APBA1: variants seen among roughly 807,000 people sequenced by gnomAD.
APBA1 encodes the protein amyloid-beta A4 precursor protein-binding family A member 1.
In APBA1, 55 loss-of-function variants were observed where a neutral mutation model predicts 86.6. The observed-to-expected ratio is 0.64, with a 90% CI of 0.51 to 0.80. APBA1 has a LOEUF of 0.80. APBA1 is among the 30% of genes least tolerant of loss of function. APBA1 has a pLI of 0.00. For missense variants in APBA1, 1,090 were observed against 1,183.0 expected (o/e 0.92, Z 1.15); for synonymous variants, 511 against 493.9 (o/e 1.03, Z -0.46).
chr9:69,476,778 G>A (rs1019076834), intron 2 of APBA1, among the ~76,000 whole-genome samples: 5 of 152,160 alleles, frequency 3.3e-5, no homozygotes, highest in South Asian at 2.1e-4. Context: ...ACGGTGTATC[G>A]GAAAATAAGG....
chr9:69,447,417 C>A (rs1210163955), intron 10 of APBA1, among the ~76,000 whole-genome samples: 1 of 152,198 alleles, frequency 6.6e-6, no homozygotes, highest in Non-Finnish European at 1.5e-5. Flanking sequence ...AACCTCAGCA[C>A]TACCTACATT....
chr9:69,442,786 T>G (rs1022455233), intron 10 of APBA1, among the ~76,000 whole-genome samples: 4 of 152,170 alleles, frequency 2.6e-5, no homozygotes, highest in African/African-American at 9.7e-5. Context: ...GTCTACCAAA[T>G]CTTTTTCAGT....
intron 1 of APBA1, among the ~76,000 whole-genome samples, chr9:69,536,563 T>C (rs1224229550): frequency 2.0e-5 from 3 of 151,668 alleles, no homozygotes; most frequent in Non-Finnish European, 4.4e-5. Context: ...TACAATTCAG[T>C]GGCATTAAGA....
intron 1 of APBA1, among the ~76,000 whole-genome samples, chr9:69,661,612 A>AC (rs11374785): frequency 0.97 from 148,013 of 152,212 alleles, 72,066 homozygotes; most frequent in East Asian, 1. Flanking sequence ...GTTCATCCCC[A>AC]CAAAATTCAT....
At chr9:69,610,659 T>A (rs923952367) in intron 1 of APBA1, among the ~76,000 whole-genome samples, 1 of 152,160 alleles carries the variant, frequency 6.6e-6, no homozygotes, top group African/African-American at 2.4e-5. Context: ...GGGTGCTACA[T>A]GGCCAATGAA....
At chr9:69,581,693 G>A (rs1031213277) in intron 1 of APBA1, among the ~76,000 whole-genome samples, 2 of 152,182 alleles carry the variant, frequency 1.3e-5, no homozygotes, top group Admixed American at 6.5e-5. Context: ...GGAATAAGCG[G>A]GGCATGGGGG....
intron 2 of APBA1, among the ~76,000 whole-genome samples, chr9:69,493,767 T>C (rs570555293): frequency 7.2e-5 from 11 of 152,074 alleles, no homozygotes; most frequent in African/African-American, 2.2e-4. Context: ...AAGCAAAAAA[T>C]AGGTTTATAT....
intron 2 of APBA1, among the ~76,000 whole-genome samples, chr9:69,506,137 T>C (rs930630245): frequency 1.3e-5 from 2 of 151,682 alleles, no homozygotes; most frequent in African/African-American, 4.8e-5. Flanking sequence ...GGGTGATTTC[T>C]GCATTTCCAT....
intron 1 of APBA1, among the ~76,000 whole-genome samples, chr9:69,608,440 G>A (rs1362340939): frequency 6.6e-6 from 1 of 152,058 alleles, no homozygotes; most frequent in Non-Finnish European, 1.5e-5. Flanking sequence ...GACCTATAAC[G>A]AATATTCACT....
In APBA1 at chr9:69,430,596, T is replaced by TAAGGTGGTGG. The variant is rs1834573043; in HGVS notation, c.*730_*731insCCACCACCTT. The TAAGGTGGTGG allele has an allele frequency of 6.6e-6, 1 of 152,506 alleles. No homozygotes were observed. The highest frequency in any genetic ancestry group is 2.1e-4 in the South Asian group (1 of 4,828). 9.4% of individuals were successfully genotyped at this position (152,506 alleles called of 1,614,324 possible). ...GAAGCAGACAGTACCTGCCTGTGTT[T>TAAGGTGGTGG]ATCTAATGGTTGATAACTTGAGGAC... On this transcript the variant is annotated 3_prime_UTR_variant, in exon 13 of 13. Transcript: ENST00000265381.
In APBA1 at chr9:69,585,677, T is replaced by A. The variant is rs369250397; in HGVS notation, c.-69-68398A>T. Among the ~76,000 whole-genome samples, 12 of 152,300 alleles carry A rather than the reference T, an allele frequency of 7.9e-5. No homozygotes were observed. In the South Asian group the frequency reaches 1.9e-3, roughly 24 times the overall value. The stretch of plus-strand genomic sequence containing the variant: ...GGCCCAGTGTCCAGATCCCCTTGAC[T>A]GTTTCTGATCTGTACTCACGGTATG... On this transcript the variant is annotated intron_variant, in intron 1 of 12. Coordinates refer to ENST00000265381, the MANE Select transcript of APBA1 (RefSeq NM_001163.4).
intron 11 of APBA1, among the ~76,000 whole-genome samples, chr9:69,440,233 G>A (rs1276945202): frequency 2.0e-5 from 3 of 152,306 alleles, no homozygotes; most frequent in Non-Finnish European, 4.4e-5. Flanking sequence ...AGGGGTCAGG[G>A]ACACACTTCA....
chr9:69,498,083 G>A (rs1054003485), intron 2 of APBA1, among the ~76,000 whole-genome samples: 3 of 152,060 alleles, frequency 2.0e-5, no homozygotes, highest in Non-Finnish European at 4.4e-5. Context: ...GAGGGAGCAC[G>A]GCTGAGTGAC....
intron 1 of APBA1, among the ~76,000 whole-genome samples, chr9:69,580,142 A>G (rs1821886127): frequency 6.6e-6 from 1 of 152,294 alleles, no homozygotes; most frequent in African/African-American, 2.4e-5. Flanking sequence ...AATCATTTTA[A>G]ATACCTGGAT....
intron 1 of APBA1, among the ~76,000 whole-genome samples, chr9:69,626,202 C>G (rs1822924293): frequency 6.6e-6 from 1 of 152,130 alleles, no homozygotes; most frequent in African/African-American, 2.4e-5. Context: ...TGTGGCTATG[C>G]TGAAGACAAA....
chr9:69,495,086 T>C (rs1588319617), intron 2 of APBA1, among the ~76,000 whole-genome samples: 1 of 152,050 alleles, frequency 6.6e-6, no homozygotes, highest in African/African-American at 2.4e-5. Context: ...GCACAACCCC[T>C]TTCCAAGCAC....
chr9:69,457,021 T>C, intron 7 of APBA1, 32 bp downstream of exon 7: 1 of 1,582,176 alleles, frequency 6.3e-7, no homozygotes, highest in Non-Finnish European at 8.7e-7. Flanking sequence ...TCACTAAGCT[T>C]CACCCTGGGA....
intron 1 of APBA1, among the ~76,000 whole-genome samples, chr9:69,615,915 G>C (rs1429899936): frequency 6.6e-6 from 1 of 152,206 alleles, no homozygotes. Flanking sequence ...CATAAACAGA[G>C]ACATTCGGAC....
intron 1 of APBA1, among the ~76,000 whole-genome samples, chr9:69,647,388 C>T (rs1390879092): frequency 6.6e-6 from 1 of 152,106 alleles, no homozygotes; most frequent in East Asian, 1.9e-4. Flanking sequence ...TCTCAGAAGT[C>T]ATTACTCTTA....
Sources: gnomAD v4.1 joint callset for allele counts (sites outside exome capture counted in the v4.1 genomes callset) on GRCh38, gnomAD v4.1.1 for gene constraint, MANE v1.5 for transcripts, NCBI Gene and HGNC (gene_info 2026-07-23, HGNC 2026-07-21) for gene names.